The following RERGL variants were observed in gnomAD, a reference collection of about 807,000 sequenced individuals.
The protein encoded by RERGL is RERG like.
RERGL carries 22 observed loss-of-function variants against 24.7 expected under a neutral mutation model. The observed-to-expected ratio is 0.89, with a 90% CI of 0.64 to 1.27. RERGL has a LOEUF of 1.27. Ranked by LOEUF, RERGL falls within the 50% of genes most tolerant of loss-of-function variation. The pLI, the probability that RERGL is intolerant of heterozygous loss-of-function variation, is 0.00. For missense variants in RERGL, 259 were observed against 235.3 expected (o/e 1.10, Z -0.66); for synonymous variants, 76 against 82.6 (o/e 0.92, Z 0.43).
At chr12:18,085,156 G>A (rs1314540781) in intron 3 of RERGL, among the ~76,000 whole-genome samples, 4 of 152,030 alleles carry the variant, frequency 2.6e-5, no homozygotes, top group African/African-American at 9.7e-5. Context: ...TGAATAAATG[G>A]CCACTTTTCT....
At chr12:18,083,957 T>C (rs1947195411) in intron 4 of RERGL, among the ~76,000 whole-genome samples, 1 of 152,200 alleles carries the variant, frequency 6.6e-6, no homozygotes, top group Non-Finnish European at 1.5e-5. Flanking sequence ...GGTACAATCA[T>C]GTCTTCCTTC....
At chr12:18,081,696 T>C (rs1947175113) in intron 4 of RERGL, among the ~76,000 whole-genome samples, 1 of 152,202 alleles carries the variant, frequency 6.6e-6, no homozygotes, top group African/African-American at 2.4e-5. Flanking sequence ...AACAAGTCTC[T>C]TAAAGCACAG....
rs140628186 is a variant in RERGL, at chr12:18,082,623, G to A, written c.333-1150C>T. ...CCAGGCAATGAAAGATGCTTACTAA[G>A]TATTGTTTTTCATGTTCCTTATCAA... On this transcript the variant is annotated intron_variant, in intron 4 of 4. Transcript: ENST00000538724. Among the ~76,000 whole-genome samples, 1,198 of 152,250 alleles carry A rather than the reference G, an allele frequency of 7.9e-3. 6 individuals carry two copies. The highest frequency in any genetic ancestry group is 0.034 in the Middle Eastern group (10 of 294).
At chr12:18,084,755 G>A (rs1464177218) in intron 3 of RERGL, 90 bp from the exon 4 acceptor site, 8 of 962,828 alleles carry the variant, frequency 8.3e-6, no homozygotes, top group Non-Finnish European at 1.1e-5. Context: ...ACCCACTTCC[G>A]CTGGAAGATA....
intron 1 of RERGL, among the ~76,000 whole-genome samples, chr12:18,089,666 A>C (rs1947252161): frequency 6.6e-6 from 1 of 151,994 alleles, no homozygotes; most frequent in African/African-American, 2.4e-5. Context: ...AATACAATCC[A>C]CAAACCTCCA....
intron 1 of RERGL, chr12:18,089,219 G>T: frequency 6.2e-7 from 1 of 1,603,638 alleles, no homozygotes; most frequent in Non-Finnish European, 8.5e-7. Flanking sequence ...AAAAACATAA[G>T]GCCACTTACC....
At position 18,090,145 on chromosome 12, in the gene RERGL, C is replaced by A; in HGVS notation, c.-5G>T. ...AGCAAGCTTCACATCATTCATCTTG[C>A]TTTTCTGCTTCTTGGTCAGTCCTAT... On this transcript the variant is annotated 5_prime_UTR_variant, in exon 1 of 5. Transcript: ENST00000538724. 1.3e-6 allele frequency: 2 copies of A among 1,531,254 alleles called. No individual in the cohort carries two copies. The highest frequency in any genetic ancestry group is 1.7e-6 in the Non-Finnish European group (2 of 1,144,932). The allele number at this position is 1,531,254 out of a possible 1,614,324, so 94.9% of individuals were successfully genotyped here.
chr12:18,087,410 C>A (rs1947230785), intron 2 of RERGL, among the ~76,000 whole-genome samples: 1 of 152,174 alleles, frequency 6.6e-6, no homozygotes. Context: ...ATTCTTGACT[C>A]CAAACCACAC....
At position 18,089,395 on chromosome 12, in the gene RERGL, C is replaced by T. The variant is rs1374035812; in HGVS notation, c.53-439G>A. The stretch of plus-strand genomic sequence containing the variant: ...TTAAGGATGTAGGGACCTACAAATC[C>T]AGGAAATAGAAAAAGAACCTCTGGT... On this transcript the variant is annotated intron_variant, in intron 1 of 4. Transcript: ENST00000538724. The T allele has an allele frequency of 2.2e-6, 3 of 1,349,162 alleles. No homozygotes were observed. In the African/African-American group the frequency reaches 4.5e-5, roughly 20 times the overall value. 83.6% of individuals were successfully genotyped at this position (1,349,162 alleles called of 1,614,324 possible). A position where few individuals can be genotyped will look rare whatever the true frequency, so the allele number is the denominator to read the frequency against.
At chr12:18,081,517 CTCT>C (rs755075066) in intron 4 of RERGL, 44 bp from the exon 5 acceptor site, 25 of 1,231,234 alleles carry the variant, frequency 2.0e-5, no homozygotes, top group South Asian at 1.2e-4. Context: ...GTTTTAACAA[CTCT>C]TTTTTTTAAA....
At chr12:18,082,169 C>T (rs372703832) in intron 4 of RERGL, among the ~76,000 whole-genome samples, 21 of 149,424 alleles carry the variant, frequency 1.4e-4, no homozygotes, top group African/African-American at 5.2e-4. Flanking sequence ...AGAATGAGAG[C>T]ATGCCCTTTG....
intron 1 of RERGL, chr12:18,089,205 C>T (rs1473638986): frequency 3.1e-6 from 5 of 1,592,858 alleles, no homozygotes; most frequent in African/African-American, 1.3e-5. Flanking sequence ...TAATTCATTA[C>T]CACAAAAACA....
At position 18,081,155 on chromosome 12, in the gene RERGL, C is replaced by T; in HGVS notation, c.*36G>A. 6.5e-7 allele frequency: 1 copy of T among 1,548,262 alleles called. No individual in the cohort carries two copies. The highest frequency in any genetic ancestry group is 1.2e-5 in the South Asian group (1 of 82,652). On this transcript the variant is annotated 3_prime_UTR_variant, in exon 5 of 5. Transcript: ENST00000538724. ...AATTATCATGTGAATGTTTGAAACTCTCTGATATAGGAAATCTCCCAGGAT... is the reference window on the plus strand; with the variant it reads ...AATTATCATGTGAATGTTTGAAACTTTCTGATATAGGAAATCTCCCAGGAT...
At position 18,088,971 on chromosome 12, in the gene RERGL, A is replaced by T; in HGVS notation, c.53-15T>A. The T allele has an allele frequency of 6.2e-7, 1 of 1,600,512 alleles. No homozygotes were observed. Among genetic ancestry groups the T allele is most frequent in the Non-Finnish European group, 8.6e-7 (1 of 1,168,044 alleles). ...CACTGTAAGGGCTGCAAAGCAAACAATCTAGATTTAGGGCTGTTATATTTT... is the reference window on the plus strand; with the variant it reads ...CACTGTAAGGGCTGCAAAGCAAACATTCTAGATTTAGGGCTGTTATATTTT... On this transcript the variant is annotated splice_polypyrimidine_tract_variant and intron_variant, in intron 1 of 4. Transcript: ENST00000538724.
chr12:18,081,507 G>A lies in RERGL; in HGVS notation c.333-34C>T, dbSNP rs374503592. On this transcript the variant is annotated intron_variant, in intron 4 of 4. Coordinates refer to ENST00000538724, the MANE Select transcript of RERGL (RefSeq NM_001286201.2). ...GAGATACACAATTTTTAGCAAGATTGTTTTAACAACTCTTTTTTTTAAAAA... is the reference window on the plus strand; with the variant it reads ...GAGATACACAATTTTTAGCAAGATTATTTTAACAACTCTTTTTTTTAAAAA... 5 of 1,211,318 alleles carry A rather than the reference G, an allele frequency of 4.1e-6. No homozygotes were observed. The African/African-American group carries it at 5.2e-5, about 13-fold the overall frequency. The allele number at this position is 1,211,318 out of a possible 1,614,324, so 75.0% of individuals were successfully genotyped here. A position where few individuals can be genotyped will look rare whatever the true frequency, so the allele number is the denominator to read the frequency against.
intron 2 of RERGL, among the ~76,000 whole-genome samples, 158 bp downstream of exon 2, chr12:18,088,742 T>G (rs1947242498): frequency 6.6e-6 from 1 of 152,140 alleles, no homozygotes; most frequent in African/African-American, 2.4e-5. Flanking sequence ...TTAATTCAAG[T>G]ACCTATTTTG....
intron 4 of RERGL, among the ~76,000 whole-genome samples, chr12:18,082,733 ATAT>A (rs1226924791): frequency 1.3e-5 from 2 of 152,196 alleles, no homozygotes; most frequent in African/African-American, 4.8e-5. Context: ...ATAAGCAAAA[ATAT>A]TATTCAATAT....
At chr12:18,089,636 C>T (rs765941360) in intron 1 of RERGL, among the ~76,000 whole-genome samples, 14 of 152,248 alleles carry the variant, frequency 9.2e-5, no homozygotes, top group South Asian at 2.1e-4. Context: ...GTTCCTTCAT[C>T]TTAGTAATGC....
chr12:18,081,598 T>C lies in RERGL; in HGVS notation c.333-125A>G, dbSNP rs1437484093. On this transcript the variant is annotated intron_variant, in intron 4 of 4. Coordinates refer to ENST00000538724, the MANE Select transcript of RERGL (RefSeq NM_001286201.2). The stretch of plus-strand genomic sequence containing the variant: ...AAAAAGAAAAAATATTGTGTGTATG[T>C]TACTTATGGTCATGTGTGTATACAG... 9.3e-6 allele frequency: 8 copies of C among 856,182 alleles called. No homozygotes were observed. The African/African-American group carries it at 1.4e-4, about 15-fold the overall frequency. The allele number at this position is 856,182 out of a possible 1,614,324, so 53.0% of individuals were successfully genotyped here.
Sources: gnomAD v4.1 joint callset for allele counts (sites outside exome capture counted in the v4.1 genomes callset) on GRCh38, gnomAD v4.1.1 for gene constraint, MANE v1.5 for transcripts, NCBI Gene and HGNC (gene_info 2026-07-23, HGNC 2026-07-21) for gene names.